MARCHF1: variants seen among roughly 807,000 people sequenced by gnomAD.
The protein encoded by MARCHF1 is E3 ubiquitin-protein ligase MARCHF1.
A neutral mutation model predicts 54.2 loss-of-function variants in MARCHF1; 40 were observed. The ratio of observed to expected loss-of-function variants is 0.74; its 90% CI spans 0.57 to 0.96. MARCHF1 has a LOEUF of 0.96. Among genes scored for constraint, MARCHF1 ranks in the 40% least tolerant of loss-of-function variants. The pLI is 0.00. For missense variants in MARCHF1, 586 were observed against 656.5 expected (o/e 0.89, Z 1.17); for synonymous variants, 236 against 236.3 (o/e 1.00, Z 0.01).
intron 1 of MARCHF1, among the ~76,000 whole-genome samples, chr4:164,273,587 G>T (rs1397653329): frequency 1.3e-5 from 2 of 152,186 alleles, no homozygotes; most frequent in Admixed American, 1.3e-4. Flanking sequence ...ATAAAATTCA[G>T]TTGTTTAGTT....
intron 4 of MARCHF1, among the ~76,000 whole-genome samples, chr4:163,742,397 C>CCCTCCCTT (rs1312398916): frequency 2.2e-5 from 2 of 91,220 alleles, no homozygotes; most frequent in African/African-American, 8.0e-5. Flanking sequence ...CTTCCTTCCT[C>CCCTCCCTT]CCTTCCTTCC....
At chr4:164,317,282 A>G (rs1004859609) in intron 1 of MARCHF1, among the ~76,000 whole-genome samples, 3 of 152,210 alleles carry the variant, frequency 2.0e-5, no homozygotes, top group African/African-American at 4.8e-5. Context: ...TCAGCTGTAT[A>G]ATACAACATC....
At chr4:163,938,605 C>G (rs1751849329) in intron 3 of MARCHF1, among the ~76,000 whole-genome samples, 1 of 152,082 alleles carries the variant, frequency 6.6e-6, no homozygotes, top group African/African-American at 2.4e-5. Context: ...CCACTTATTC[C>G]TTTAACCTGA....
At chr4:163,808,618 G>A (rs979216928) in intron 4 of MARCHF1, among the ~76,000 whole-genome samples, 1 of 152,010 alleles carries the variant, frequency 6.6e-6, no homozygotes, top group Non-Finnish European at 1.5e-5. Flanking sequence ...ACCCAGTCTG[G>A]AGTGCAGTGG....
intron 1 of MARCHF1, chr4:164,189,384 G>T (rs1731063022): frequency 1.5e-6 from 1 of 655,692 alleles, no homozygotes; most frequent in South Asian, 1.8e-5. Flanking sequence ...ATCTGTTCTG[G>T]TCTACTATGA....
At chr4:163,607,055 G>A (rs1741168032) in intron 7 of MARCHF1, among the ~76,000 whole-genome samples, 1 of 152,108 alleles carries the variant, frequency 6.6e-6, no homozygotes. Context: ...AAGTTTGTCT[G>A]CAGTTGGAGG....
At chr4:163,773,138 C>T (rs969954955) in intron 4 of MARCHF1, among the ~76,000 whole-genome samples, 3 of 152,088 alleles carry the variant, frequency 2.0e-5, no homozygotes, top group African/African-American at 7.2e-5. Context: ...AGTGCAGAGT[C>T]CAGCAGGAGA....
At chr4:163,929,972 A>T (rs868703407) in intron 3 of MARCHF1, among the ~76,000 whole-genome samples, 40 of 115,640 alleles carry the variant, frequency 3.5e-4, no homozygotes, top group Non-Finnish European at 5.6e-4. Context: ...TAATATATAT[A>T]ATATATATAA....
At chr4:164,350,630 A>C (rs7686802) in intron 1 of MARCHF1, among the ~76,000 whole-genome samples, 2 of 151,992 alleles carry the variant, frequency 1.3e-5, no homozygotes, top group African/African-American at 2.4e-5. Context: ...ATGTACAATT[A>C]TTTCTTGTCA....
chr4:163,861,740 G>A (rs142168600), intron 3 of MARCHF1, among the ~76,000 whole-genome samples: 47 of 152,064 alleles, frequency 3.1e-4, no homozygotes, highest in African/African-American at 8.7e-4. Context: ...TAAAGTTTAC[G>A]TAGAAAGGCA....
chr4:164,212,829 A>C (rs1266453991), intron 1 of MARCHF1, among the ~76,000 whole-genome samples: 1 of 152,250 alleles, frequency 6.6e-6, no homozygotes, highest in South Asian at 2.1e-4. Context: ...ATTTTACAAG[A>C]GTGAAAAACG....
chr4:164,079,104 T>C (rs943685704), intron 2 of MARCHF1, among the ~76,000 whole-genome samples: 2 of 152,188 alleles, frequency 1.3e-5, no homozygotes, highest in African/African-American at 4.8e-5. Flanking sequence ...CCCCTGTATA[T>C]TGCTTATTCA....
At chr4:163,945,059 G>C (rs77265948) in intron 3 of MARCHF1, among the ~76,000 whole-genome samples, 1 of 152,050 alleles carries the variant, frequency 6.6e-6, no homozygotes, top group Non-Finnish European at 1.5e-5. Flanking sequence ...TTACAAACAT[G>C]AGCAATACCC....
intron 2 of MARCHF1, among the ~76,000 whole-genome samples, chr4:164,035,633 C>CAAAAAAAAAAAAAAAAAAAAAAA (rs34846855): frequency 6.9e-6 from 1 of 144,214 alleles, no homozygotes; most frequent in Non-Finnish European, 1.5e-5. Context: ...ATAAAGAATA[C>CAAAAAAAAAAAAAAAAAAAAAAA]AAAAAAAAAA....
chr4:164,220,610 G>A (rs1485605197), intron 1 of MARCHF1, among the ~76,000 whole-genome samples: 1 of 139,016 alleles, frequency 7.2e-6, no homozygotes, highest in African/African-American at 2.7e-5. Context: ...TAATATATAT[G>A]CTATATATGC....
chr4:163,762,782 T>C (rs1746864917), intron 4 of MARCHF1, among the ~76,000 whole-genome samples: 1 of 152,108 alleles, frequency 6.6e-6, no homozygotes, highest in South Asian at 2.1e-4. Flanking sequence ...TTTCTTACTA[T>C]ATACTTCCCT....
chr4:163,610,898 C>G (rs1741317092), intron 7 of MARCHF1, among the ~76,000 whole-genome samples: 1 of 152,036 alleles, frequency 6.6e-6, no homozygotes, highest in South Asian at 2.1e-4. Flanking sequence ...AGCTCCGTCC[C>G]TCCTCTTGTT....
chr4:163,646,792 T>C (rs774326463), intron 5 of MARCHF1, among the ~76,000 whole-genome samples: 1 of 151,892 alleles, frequency 6.6e-6, no homozygotes, highest in South Asian at 2.1e-4. Flanking sequence ...GACCAAAACA[T>C]GCCGCTGCAA....
At chr4:163,637,159 G>A (rs902934789) in intron 5 of MARCHF1, among the ~76,000 whole-genome samples, 1 of 151,924 alleles carries the variant, frequency 6.6e-6, no homozygotes, top group African/African-American at 2.4e-5. Context: ...GAAAACCTAG[G>A]CTTTACCATT....
Sources: gnomAD v4.1 joint callset for allele counts (sites outside exome capture counted in the v4.1 genomes callset) on GRCh38, gnomAD v4.1.1 for gene constraint, MANE v1.5 for transcripts, NCBI Gene and HGNC (gene_info 2026-07-23, HGNC 2026-07-21) for gene names.